Variants in FMO5 observed in about 807,000 individuals in gnomAD.
The protein encoded by FMO5 is flavin-containing monooxygenase 5.
A neutral mutation model predicts 43.6 loss-of-function variants in FMO5; 51 were observed. That is an observed-to-expected ratio of 1.17 (90% CI 0.93 to 1.48). The LOEUF is 1.48. Among genes scored for constraint, FMO5 ranks in the 40% most tolerant of loss-of-function variants. The pLI, the probability that FMO5 is intolerant of heterozygous loss-of-function variation, is 0.00. For synonymous variants in FMO5, 187 were observed against 216.5 expected, an observed-to-expected ratio of 0.86 and a Z score of 1.20; for missense variants, 644 against 643.0, an observed-to-expected ratio of 1.00 and a Z score of -0.02.
intron 6 of FMO5, among the ~76,000 whole-genome samples, chr1:147,206,664 C>CA (rs1390446328): frequency 6.6e-6 from 1 of 152,002 alleles, no homozygotes; most frequent in African/African-American, 2.4e-5. Context: ...ATCGCAAGGA[C>CA]AAAAAACCAA....
At chr1:147,202,954 C>G (rs902669762) in intron 6 of FMO5, among the ~76,000 whole-genome samples, 5 of 152,238 alleles carry the variant, frequency 3.3e-5, no homozygotes, top group Middle Eastern at 3.4e-3. Context: ...CCAGATGATA[C>G]AATTGTCTTT....
At chr1:147,195,882 T>C (rs1657909312) in intron 7 of FMO5, among the ~76,000 whole-genome samples, 1 of 152,164 alleles carries the variant, frequency 6.6e-6, no homozygotes, top group South Asian at 2.1e-4. Context: ...TGGGTATCTA[T>C]AATAATTATA....
intron 7 of FMO5, among the ~76,000 whole-genome samples, chr1:147,200,390 C>G (rs587628400): frequency 1.3e-5 from 2 of 152,272 alleles, no homozygotes; most frequent in South Asian, 4.1e-4. Flanking sequence ...GGCATGTTTT[C>G]AAATCCCTTA....
Position 147,212,515 on chromosome 1 carries a change from G to A in FMO5, c.508C>T (p.Gln170Ter). 5 of 1,613,482 alleles carry A rather than the reference G, an allele frequency of 3.1e-6. No homozygotes were observed. The highest frequency in any genetic ancestry group is 4.2e-6 in the Non-Finnish European group (5 of 1,179,550). The change falls in exon 5 of 9, where the codon CAG (glutamine) becomes TAG (stop). Residue 170 changes from glutamine (Q) to a stop codon, truncating the protein, a stop_gained. Coordinates refer to ENST00000254090, the MANE Select transcript of FMO5 (RefSeq NM_001461.4). LOFTEE classifies it high-confidence loss of function. ...SFPGIEKFKGQYFHSRDYKNP... is the reference protein window; with the variant it reads ...SFPGIEKFKG ...TTATAGTCTCGACTGTGGAAGTACT[G>A]CCCTTTGAACTTCTCAATTCCTGCA...
intron 2 of FMO5, among the ~76,000 whole-genome samples, chr1:147,221,764 A>T (rs1663048338): frequency 6.6e-6 from 1 of 152,194 alleles, no homozygotes; most frequent in Admixed American, 6.5e-5. Flanking sequence ...TCTTTGAGGT[A>T]CTCCTATATT....
At chr1:147,225,516 A>G (rs587702893), upstream of FMO5, 1 of 161,238 alleles carries the variant, frequency 6.2e-6, no homozygotes, top group African/African-American at 2.4e-5. Flanking sequence ...TTTGGGCGAA[A>G]AAGTTAATCC....
Position 147,213,345 on chromosome 1 carries a change from A to T in FMO5, c.450T>A (p.His150Gln). 6.2e-7 allele frequency: 1 copy of T among 1,612,782 alleles called. No homozygotes were observed. The highest frequency in any genetic ancestry group is 8.5e-7 in the Non-Finnish European group (1 of 1,179,328). ...CCAGAGGTAGATGAGCATTGGTGTG[A>T]TGGCCAGTGCAAACCATGACTCCAT... ...VFDGVMVCTG[H>Q]HTNAHLPLES... The change falls in exon 4 of 9, where the codon CAT becomes CAA. Residue 150 changes from histidine (H) to glutamine (Q), a missense_variant. Physicochemically the swap from His to Gln is conservative, Grantham distance 24. Coordinates refer to ENST00000254090, the MANE Select transcript of FMO5 (RefSeq NM_001461.4).
At chr1:147,219,840 C>CTTTTT (rs71083821) in intron 2 of FMO5, among the ~76,000 whole-genome samples, 6,576 of 132,654 alleles carry the variant, frequency 0.05, 241 homozygotes, top group African/African-American at 0.08. Context: ...ATGTTAATTG[C>CTTTTT]TTTTTTTTTT....
chr1:147,219,020 C>T (rs1662516136), intron 2 of FMO5, among the ~76,000 whole-genome samples: 1 of 152,220 alleles, frequency 6.6e-6, no homozygotes, highest in African/African-American at 2.4e-5. Context: ...CCGAGAGTAG[C>T]CATATCCTTC....
chr1:147,184,727 T>C (rs782148619), downstream of FMO5: 8 of 1,308,598 alleles, frequency 6.1e-6, no homozygotes, highest in South Asian at 1.4e-4. The surrounding 1 kb of genome is among the most constrained non-coding windows in gnomAD (Gnocchi z 4.4). Flanking sequence ...GACTTATTAC[T>C]GTTAGTGTTA....
chr1:147,217,180 C>T (rs782465160), intron 2 of FMO5, among the ~76,000 whole-genome samples: 5 of 151,510 alleles, frequency 3.3e-5, no homozygotes, highest in African/African-American at 4.9e-5. Context: ...GCGGAGGTTG[C>T]GGTGACAGAG....
intron 6 of FMO5, among the ~76,000 whole-genome samples, chr1:147,205,573 G>A (rs1553922083): frequency 1.3e-5 from 2 of 152,092 alleles, no homozygotes. Context: ...TTCTTATATA[G>A]ACCAATGGAA....
intron 2 of FMO5, among the ~76,000 whole-genome samples, chr1:147,222,763 C>T (rs990331571): frequency 2.0e-5 from 3 of 152,198 alleles, no homozygotes; most frequent in East Asian, 1.9e-4. Flanking sequence ...AAAACCTCCA[C>T]GTTAAGTCTT....
chr1:147,224,018 G>A (rs2102108898), intron 2 of FMO5: 1 of 421,378 alleles, frequency 2.4e-6, no homozygotes, highest in South Asian at 1.7e-5. Context: ...TCAGCTGGTG[G>A]TGATTGCACA....
chr1:147,208,335 A>G (rs1306637236), intron 6 of FMO5: 2 of 152,436 alleles, frequency 1.3e-5, no homozygotes, highest in Non-Finnish European at 2.9e-5. Flanking sequence ...GCCAAAGAGA[A>G]TTCTAGATTA....
chr1:147,189,355 T>C (rs782590103), intron 8 of FMO5, among the ~76,000 whole-genome samples: 72 of 151,666 alleles, frequency 4.7e-4, no homozygotes, highest in Non-Finnish European at 7.8e-4. Context: ...GGTGAGAATT[T>C]AGAAAATTTA....
chr1:147,208,647 C>T (rs1205069454), intron 6 of FMO5: 5 of 451,122 alleles, frequency 1.1e-5, no homozygotes, highest in Non-Finnish European at 1.7e-5. Context: ...CCGTGTTGGC[C>T]AGGATGGTCT....
At chr1:147,187,588 C>T (rs1457105769) in intron 8 of FMO5, among the ~76,000 whole-genome samples, 7 of 152,114 alleles carry the variant, frequency 4.6e-5, no homozygotes, top group Non-Finnish European at 8.8e-5. Context: ...ATACAAAGGA[C>T]TCTGATGTTA....
In FMO5 at chr1:147,224,964, G is replaced by T; in HGVS notation, c.66C>A (p.Cys22Ter). 6.2e-7 allele frequency: 1 copy of T among 1,613,904 alleles called. No homozygotes were observed. The highest frequency in any genetic ancestry group is 8.5e-7 in the Non-Finnish European group (1 of 1,179,980). The stretch of plus-strand genomic sequence containing the variant: ...AGACAGGTTCCAAGCCTTCTTCTAC[G>T]CAGCACTTGATGGAAGAGAGCCCGC... ...GVSGLSSIKC[C>*]VEEGLEPVCF... The change falls in exon 2 of 9, where the codon TGC becomes TGA. Residue 22 changes from cysteine to a stop codon, truncating the protein, a stop_gained. Transcript: ENST00000254090. LOFTEE classifies it high-confidence loss of function.
Sources: gnomAD v4.1 joint callset for allele counts (sites outside exome capture counted in the v4.1 genomes callset) on GRCh38, gnomAD v4.1.1 for gene constraint, Gnocchi (gnomAD v3.1) non-coding constraint, MANE v1.5 for transcripts, NCBI Gene and HGNC (gene_info 2026-07-23, HGNC 2026-07-21) for gene names.